The following BTD variants were observed in gnomAD, a reference collection of about 807,000 sequenced individuals.
The protein encoded by BTD is biocytinase.
A neutral mutation model predicts 17.7 loss-of-function variants in BTD; 13 were observed. The ratio of observed to expected loss-of-function variants is 0.74; its 90% CI spans 0.48 to 1.17. The LOEUF (loss-of-function observed/expected upper bound fraction) is 1.17, where lower values mean the gene tolerates loss of function less well. Ranked by LOEUF, BTD falls within the 50% of genes most tolerant of loss-of-function variation. BTD has a pLI of 0.00. For synonymous variants in BTD, 240 were observed against 245.2 expected (o/e 0.98, Z 0.20); for missense variants, 674 against 650.4 (o/e 1.04, Z -0.39).
rs148868322 is a variant in BTD, at chr3:15,647,569, T to C, written c.*2081T>C. Reference sequence around the variant, plus strand: ...GGTAGAACAAAGTAATTTTTACAATTAAAAGAAGTAGCTGCCAGATGACAG... The same window carrying C: ...GGTAGAACAAAGTAATTTTTACAATCAAAAGAAGTAGCTGCCAGATGACAG... On this transcript the variant is annotated 3_prime_UTR_variant, in exon 4 of 4. Coordinates refer to ENST00000643237, the MANE Select transcript of BTD (RefSeq NM_001370658.1). 1 of 152,230 alleles carries C rather than the reference T, an allele frequency of 6.6e-6. No individual in the cohort carries two copies. Among genetic ancestry groups the C allele is most frequent in the East Asian group, 1.9e-4 (1 of 5,172 alleles). The allele number at this position is 152,230 out of a possible 1,614,324, so 9.4% of individuals were successfully genotyped here.
At chr3:15,673,323 C>T (rs1447294142) in intron 3 of BTD, among the ~76,000 whole-genome samples, 2 of 152,194 alleles carry the variant, frequency 1.3e-5, no homozygotes, top group Non-Finnish European at 2.9e-5. Context: ...TAGACTATGT[C>T]TTATTTTACA....
intron 4 of BTD, among the ~76,000 whole-genome samples, chr3:15,719,833 G>A (rs192241865): frequency 1.3e-4 from 20 of 152,144 alleles, no homozygotes; most frequent in Non-Finnish European, 2.4e-4. Context: ...GGGATTACAA[G>A]CGTGAGCCAG....
intron 3 of BTD, chr3:15,670,601 A>G (rs777222530): frequency 8.3e-6 from 13 of 1,561,996 alleles, no homozygotes; most frequent in Non-Finnish European, 1.1e-5. Flanking sequence ...CCTGAGATGT[A>G]TTTCACCAAA....
In BTD at chr3:15,635,961, C is replaced by T. The variant is rs1387175934; in HGVS notation, c.249+273C>T. Among the ~76,000 whole-genome samples, 4 of 152,186 alleles carry T rather than the reference C, an allele frequency of 2.6e-5. No individual in the cohort carries two copies. Among genetic ancestry groups the T allele is most frequent in the Non-Finnish European group, 5.9e-5 (4 of 68,022 alleles). ...AGAATGTGCATTGCAGCAGGATCCC[C>T]AGGTGATGCTTTCACATGGCAAGTA... is the stretch of plus-strand genomic sequence containing the variant. On this transcript the variant is annotated intron_variant, in intron 2 of 3. Coordinates refer to ENST00000643237, the MANE Select transcript of BTD (RefSeq NM_001370658.1). This position sits in a 1 kb window ranked among gnomAD's most constrained non-coding sequence, Gnocchi z 4.1.
rs114766504 is a variant in BTD, at chr3:15,608,280, A to G, written c.-17+6386A>G. On this transcript the variant is annotated intron_variant, in intron 1 of 3. Transcript: ENST00000643237. ...AGAAGGAATGTTGTTCCCTTGTTTT[A>G]GCTTTGTGTTCATCCATTATGGGTT... is the stretch of plus-strand genomic sequence containing the variant. 7.4e-3 allele frequency among the ~76,000 whole-genome samples: 1,121 copies of G among 152,292 alleles called. 11 individuals are homozygous for G. The highest frequency in any genetic ancestry group is 0.026 in the African/African-American group (1,068 of 41,552).
intron 3 of BTD, chr3:15,686,411 G>A (rs899776319): frequency 1.1e-6 from 1 of 923,526 alleles, no homozygotes; most frequent in Non-Finnish European, 1.7e-6. Context: ...TGGGATAGTT[G>A]CACTGAATTT....
chr3:15,679,561 G>T, intron 3 of BTD: 2 of 1,608,782 alleles, frequency 1.2e-6, no homozygotes, highest in South Asian at 2.2e-5. Context: ...CATGTCTCGT[G>T]ACCTAAATAG....
downstream of BTD, among the ~76,000 whole-genome samples, chr3:15,658,550 T>C (rs529754685): frequency 6.7e-4 from 102 of 152,078 alleles, no homozygotes; most frequent in African/African-American, 2.4e-3. Context: ...AACCGGATAT[T>C]CAGAGTGAGT....
chr3:15,713,939 G>A (rs953918290), downstream of BTD, among the ~76,000 whole-genome samples: 2 of 152,172 alleles, frequency 1.3e-5, no homozygotes, highest in African/African-American at 4.8e-5. Context: ...CGTTTCTTTA[G>A]AGCAAGACTT....
intron 1 of BTD, among the ~76,000 whole-genome samples, chr3:15,611,017 G>T (rs779597697): frequency 6.6e-6 from 1 of 151,204 alleles, no homozygotes; most frequent in Non-Finnish European, 1.5e-5. Flanking sequence ...GATGAACAAT[G>T]CATAATTTTT....
chr3:15,685,959 G>A, intron 3 of BTD: 1 of 1,475,486 alleles, frequency 6.8e-7, no homozygotes, highest in Non-Finnish European at 9.4e-7. Context: ...GTAATATGAG[G>A]TCATAAAAGC....
Position 15,682,736 on chromosome 3 carries a change from G to A in BTD, c.400-27324G>A, listed in dbSNP as rs140415283. 4.5e-3 allele frequency among the ~76,000 whole-genome samples: 680 copies of A among 152,224 alleles called. 8 individuals are homozygous for A. Among genetic ancestry groups the A allele is most frequent in the East Asian group, 0.023 (121 of 5,180 alleles). On this transcript the variant is annotated intron_variant, in intron 3 of 3. Transcript: ENST00000672141. ...AGCTGTACAATAATTACTAGTTAAAGTAAAAACCATTTTACATATTCTACT... is the reference window on the plus strand; with the variant it reads ...AGCTGTACAATAATTACTAGTTAAAATAAAAACCATTTTACATATTCTACT...
chr3:15,679,457 T>G, intron 3 of BTD: 1 of 1,613,828 alleles, frequency 6.2e-7, no homozygotes. Context: ...CAAATCTGAT[T>G]CATTCTGGCT....
At chr3:15,621,656 A>G (rs1053325961) in intron 1 of BTD, among the ~76,000 whole-genome samples, 1 of 151,572 alleles carries the variant, frequency 6.6e-6, no homozygotes, top group Non-Finnish European at 1.5e-5. Flanking sequence ...CTGGAGTGCA[A>G]TGGTGCGATC....
At chr3:15,715,629 T>C (rs1031236610), downstream of BTD, among the ~76,000 whole-genome samples, 1 of 152,160 alleles carries the variant, frequency 6.6e-6, no homozygotes, top group Non-Finnish European at 1.5e-5. Flanking sequence ...GGAGTCAGAA[T>C]AACCTAAGCA....
intron 3 of BTD, chr3:15,690,288 A>C: frequency 7.7e-7 from 1 of 1,293,278 alleles, no homozygotes; most frequent in Non-Finnish European, 1.1e-6. Flanking sequence ...TACTTGAATA[A>C]ATGTAAATAA....
At chr3:15,667,003 C>A (rs150461826) in intron 3 of BTD, among the ~76,000 whole-genome samples, 255 of 152,304 alleles carry the variant, frequency 1.7e-3, no homozygotes, top group Non-Finnish European at 2.6e-3. Flanking sequence ...TCCTAAAGGA[C>A]AAGATCACAA....
intron 3 of BTD, chr3:15,667,466 T>TAA (rs1370943103): frequency 6.6e-6 from 1 of 152,236 alleles, no homozygotes; most frequent in South Asian, 2.1e-4. Context: ...CTTTTATGTA[T>TAA]AAGTTAAATA....
intron 2 of BTD, among the ~76,000 whole-genome samples, chr3:15,636,725 T>C (rs567070381): frequency 1.4e-5 from 2 of 142,338 alleles, no homozygotes; most frequent in African/African-American, 5.3e-5. Context: ...ATTAAAAAAT[T>C]GCAACATTTT....
Sources: gnomAD v4.1 joint callset for allele counts (sites outside exome capture counted in the v4.1 genomes callset) on GRCh38, gnomAD v4.1.1 for gene constraint, Gnocchi (gnomAD v3.1) non-coding constraint, MANE v1.5 for transcripts, NCBI Gene and HGNC (gene_info 2026-07-23, HGNC 2026-07-21) for gene names.